Variants in TENM2 observed in about 807,000 individuals in gnomAD.
TENM2 encodes the protein teneurin-2.
Under a neutral mutation model 245.2 loss-of-function variants are expected in TENM2, and 52 were observed. The ratio of observed to expected loss-of-function variants is 0.21; its 90% CI spans 0.17 to 0.27. The LOEUF (loss-of-function observed/expected upper bound fraction) is 0.27, where lower values mean the gene tolerates loss of function less well. Ranked by LOEUF, TENM2 falls within the 10% of genes least tolerant of loss-of-function variation. TENM2 has a pLI of 1.00. For missense variants in TENM2, 3,046 were observed against 3,666.8 expected (o/e 0.83, Z 4.37); for synonymous variants, 1,363 against 1,438.9 (o/e 0.95, Z 1.19).
the TENM2 span, among the ~76,000 whole-genome samples, chr5:167,090,255 G>A: frequency 6.6e-6 from 1 of 150,742 alleles, no homozygotes; most frequent in African/African-American, 2.4e-5. Context: ...AAAAAAAGAT[G>A]GTAGTTGCTT....
intron 2 of TENM2, among the ~76,000 whole-genome samples, chr5:167,592,108 C>T (rs1404553722): frequency 1.3e-5 from 2 of 152,130 alleles, no homozygotes; most frequent in African/African-American, 4.8e-5. Flanking sequence ...AGGTTGGGCA[C>T]CAAAGGCTGT....
the TENM2 span, among the ~76,000 whole-genome samples, chr5:167,186,069 C>G: frequency 6.6e-6 from 1 of 152,102 alleles, no homozygotes; most frequent in Non-Finnish European, 1.5e-5. Context: ...AAGATAAAAA[C>G]ATTTAACAGA....
chr5:167,787,418 C>T (rs1489070712), intron 2 of TENM2, among the ~76,000 whole-genome samples: 2 of 152,180 alleles, frequency 1.3e-5, no homozygotes, highest in African/African-American at 4.8e-5. Flanking sequence ...CTGGCTGAAT[C>T]CAGAGCTTCA....
chr5:167,895,717 C>A (rs1173200975), intron 3 of TENM2, among the ~76,000 whole-genome samples: 10 of 152,210 alleles, frequency 6.6e-5, no homozygotes, highest in African/African-American at 2.4e-4. Flanking sequence ...CCAGGTGATG[C>A]CTGTTTCTCT....
chr5:167,219,327 ACAAG>A, the TENM2 span, among the ~76,000 whole-genome samples: 5 of 133,588 alleles, frequency 3.7e-5, no homozygotes, highest in East Asian at 4.4e-4. Context: ...AAACAAACAA[ACAAG>A]CAAAACAAAA....
chr5:167,317,545 C>T (rs1184890231), intron 1 of TENM2, among the ~76,000 whole-genome samples: 1 of 152,144 alleles, frequency 6.6e-6, no homozygotes, highest in Admixed American at 6.5e-5. Context: ...GTGTGTTGTG[C>T]TCAACGGAAA....
the TENM2 span, among the ~76,000 whole-genome samples, chr5:167,266,760 A>G: frequency 2.0e-5 from 3 of 152,362 alleles, no homozygotes; most frequent in East Asian, 1.9e-4. Context: ...AGCAATTGCA[A>G]CATTTCATTC....
chr5:167,533,564 T>G (rs1771659297), intron 2 of TENM2, among the ~76,000 whole-genome samples: 2 of 152,120 alleles, frequency 1.3e-5, no homozygotes, highest in Non-Finnish European at 2.9e-5. Context: ...ATAAGTGATC[T>G]TCACACCTTA....
intron 2 of TENM2, among the ~76,000 whole-genome samples, chr5:167,434,159 C>T (rs568817980): frequency 5.9e-5 from 9 of 152,098 alleles, no homozygotes; most frequent in South Asian, 2.1e-4. Flanking sequence ...CAGTGGCTCA[C>T]GCCTGTAATA....
intron 4 of TENM2, among the ~76,000 whole-genome samples, chr5:167,956,615 A>C (rs986334042): frequency 6.6e-6 from 1 of 152,178 alleles, no homozygotes; most frequent in Non-Finnish European, 1.5e-5. Flanking sequence ...GGTCTGTCAT[A>C]AATAACTCTT....
At chr5:168,171,002 G>A (rs764078471) in intron 13 of TENM2, among the ~76,000 whole-genome samples, 3 of 152,202 alleles carry the variant, frequency 2.0e-5, no homozygotes, top group Non-Finnish European at 4.4e-5. Flanking sequence ...ACTCTGGCCG[G>A]TGTTTAGACT....
the TENM2 span, among the ~76,000 whole-genome samples, chr5:167,126,386 T>C: frequency 6.6e-6 from 1 of 152,186 alleles, no homozygotes; most frequent in Non-Finnish European, 1.5e-5. Context: ...TGGCAAATGG[T>C]TGAGATGTCC....
chr5:167,090,392 T>C, the TENM2 span, among the ~76,000 whole-genome samples: 1 of 152,230 alleles, frequency 6.6e-6, no homozygotes, highest in Non-Finnish European at 1.5e-5. Flanking sequence ...ATAAAGGCAA[T>C]TTCTATGAAT....
chr5:167,693,932 A>G (rs1416288528), intron 2 of TENM2, among the ~76,000 whole-genome samples: 3 of 152,214 alleles, frequency 2.0e-5, no homozygotes. Flanking sequence ...ATGGAACTCA[A>G]GAGCCCAGCA....
chr5:167,393,121 C>T (rs553269952), intron 2 of TENM2, among the ~76,000 whole-genome samples: 69 of 142,628 alleles, frequency 4.8e-4, no homozygotes, highest in African/African-American at 1.6e-3. Flanking sequence ...GACTCCATCT[C>T]GGGGGAAAAA....
chr5:168,108,620 C>A (rs764406081), intron 9 of TENM2, among the ~76,000 whole-genome samples: 1 of 152,142 alleles, frequency 6.6e-6, no homozygotes, highest in Non-Finnish European at 1.5e-5. Flanking sequence ...AGAAAGTAAG[C>A]TACTTCCCCA....
chr5:167,741,238 G>A (rs1761154555), intron 2 of TENM2, among the ~76,000 whole-genome samples: 2 of 152,060 alleles, frequency 1.3e-5, no homozygotes, highest in Admixed American at 1.3e-4. Context: ...ACAGACTTTG[G>A]CACTTTATGT....
intron 2 of TENM2, among the ~76,000 whole-genome samples, chr5:167,840,428 C>T (rs1769396243): frequency 6.6e-6 from 1 of 152,088 alleles, no homozygotes; most frequent in Admixed American, 6.6e-5. Context: ...CATACAGATC[C>T]TGTTATAACT....
At chr5:168,211,607 G>T in intron 19 of TENM2, 127 bp from the exon 22 acceptor site, 1 of 616,120 alleles carries the variant, frequency 1.6e-6, no homozygotes, top group East Asian at 3.1e-5. Context: ...AGTTACAGGG[G>T]AAAAAAGAAA....
Sources: allele counts gnomAD v4.1 joint callset (sites outside exome capture counted in the v4.1 genomes callset), GRCh38; gene constraint gnomAD v4.1.1; transcripts MANE v1.5; gene names NCBI Gene and HGNC (gene_info 2026-07-23, HGNC 2026-07-21).